Variants in ZFPM2 observed in about 807,000 individuals in gnomAD.
ZFPM2 encodes zinc finger protein ZFPM2.
ZFPM2 carries 20 observed loss-of-function variants against 98.6 expected under a neutral mutation model. The observed-to-expected ratio is 0.20, with a 90% CI of 0.14 to 0.29. The LOEUF (loss-of-function observed/expected upper bound fraction) is 0.29, where lower values mean the gene tolerates loss of function less well. ZFPM2 is among the 10% of genes least tolerant of loss of function. The pLI, the probability that ZFPM2 is intolerant of heterozygous loss-of-function variation, is 1.00. For missense variants in ZFPM2, 1,310 were observed against 1,388.6 expected (o/e 0.94, Z 0.90); for synonymous variants, 518 against 502.7 (o/e 1.03, Z -0.41).
intron 5 of ZFPM2, among the ~76,000 whole-genome samples, chr8:105,639,491 A>T (rs1034428017): frequency 6.6e-6 from 1 of 152,052 alleles, no homozygotes; most frequent in African/African-American, 2.4e-5. Context: ...TCAACAACAT[A>T]ATATTTCTTT....
At position 105,801,938 on chromosome 8, in the gene ZFPM2, C is replaced by T; in HGVS notation, c.1856C>T (p.Pro619Leu). The T allele has an allele frequency of 6.2e-7, 1 of 1,613,890 alleles. No homozygotes were observed. Among genetic ancestry groups the T allele is most frequent in the Non-Finnish European group, 8.5e-7 (1 of 1,179,862 alleles). ...PAAHSADPEN[P>L]LLQTSCINSS... is the part of the protein sequence containing the mutation. Reference sequence around the variant, plus strand: ...GCTCATTCTGCTGATCCTGAGAATCCACTTCTTCAAACATCTTGCATCAAT... The same window carrying T: ...GCTCATTCTGCTGATCCTGAGAATCTACTTCTTCAAACATCTTGCATCAAT... The change falls in exon 8 of 8, where the codon CCA becomes CTA. Residue 619 changes from proline to leucine, a missense_variant. Coordinates refer to ENST00000407775, the MANE Select transcript of ZFPM2 (RefSeq NM_012082.4).
chr8:105,754,635 A>G (rs1034126530), intron 5 of ZFPM2, among the ~76,000 whole-genome samples: 1 of 152,116 alleles, frequency 6.6e-6, no homozygotes, highest in Non-Finnish European at 1.5e-5. Context: ...TAATTTCTCA[A>G]AAAGAATATA....
intron 5 of ZFPM2, among the ~76,000 whole-genome samples, chr8:105,700,760 T>A (rs1811123058): frequency 6.6e-6 from 1 of 152,056 alleles, no homozygotes; most frequent in Admixed American, 6.6e-5. Flanking sequence ...CACGCCTGGC[T>A]AATTTTTGTA....
chr8:105,378,110 T>C (rs1810766942), intron 1 of ZFPM2, among the ~76,000 whole-genome samples: 1 of 152,178 alleles, frequency 6.6e-6, no homozygotes, highest in Admixed American at 6.5e-5. Flanking sequence ...AACTGGGATA[T>C]TGGATGATAT....
intron 5 of ZFPM2, among the ~76,000 whole-genome samples, chr8:105,719,117 T>G (rs145555170): frequency 1.4e-3 from 217 of 152,044 alleles, no homozygotes; most frequent in African/African-American, 5.0e-3. Flanking sequence ...GAGGTATACC[T>G]TTTTCATTGT....
chr8:105,625,982 AAG>A (rs1554622641), intron 4 of ZFPM2, among the ~76,000 whole-genome samples: 1 of 151,764 alleles, frequency 6.6e-6, no homozygotes, highest in Admixed American at 6.6e-5. Context: ...AAAAAAAAAA[AAG>A]AGAAAGAAAG....
At chr8:105,694,068 G>A (rs1205880565) in intron 5 of ZFPM2, among the ~76,000 whole-genome samples, 1 of 142,614 alleles carries the variant, frequency 7.0e-6, no homozygotes, top group African/African-American at 2.7e-5. Context: ...CTCACTGCAA[G>A]CTCTGCCTCT....
chr8:105,544,408 G>A lies in ZFPM2; in HGVS notation c.302-16955G>A, dbSNP rs567505512. Among the ~76,000 whole-genome samples the A allele has an allele frequency of 3.3e-5, 5 of 152,188 alleles. No homozygotes were observed. The South Asian group carries it at 8.3e-4, about 25-fold the overall frequency. On this transcript the variant is annotated intron_variant, in intron 3 of 7. Coordinates refer to ENST00000407775, the MANE Select transcript of ZFPM2 (RefSeq NM_012082.4). ...TTTTTCTTCCCTTGTAATTGATTAT[G>A]TGTTTGTAAATTAATTTCTCTTAAG...
intron 1 of ZFPM2, among the ~76,000 whole-genome samples, chr8:105,338,670 G>A (rs1041493932): frequency 6.6e-6 from 1 of 151,830 alleles, no homozygotes; most frequent in African/African-American, 2.4e-5. Context: ...TGTGCCATCA[G>A]TACAGATGTG....
At chr8:105,713,967 C>T (rs1027599102) in intron 5 of ZFPM2, among the ~76,000 whole-genome samples, 3 of 151,656 alleles carry the variant, frequency 2.0e-5, no homozygotes, top group African/African-American at 4.8e-5. Flanking sequence ...TATGAACTTT[C>T]GAATAGTTTT....
chr8:105,772,812 A>T (rs1813009891), intron 5 of ZFPM2, among the ~76,000 whole-genome samples: 1 of 152,188 alleles, frequency 6.6e-6, no homozygotes, highest in Non-Finnish European at 1.5e-5. Context: ...TTTCACCAGA[A>T]AATTTAGCCC....
At chr8:105,341,209 C>T (rs547631824) in intron 1 of ZFPM2, among the ~76,000 whole-genome samples, 26 of 151,946 alleles carry the variant, frequency 1.7e-4, no homozygotes, top group Non-Finnish European at 1.6e-4. Context: ...TGCACAAATC[C>T]GTCCAAAATA....
intron 5 of ZFPM2, among the ~76,000 whole-genome samples, chr8:105,771,455 A>G (rs1375266188): frequency 6.6e-6 from 1 of 152,144 alleles, no homozygotes; most frequent in Non-Finnish European, 1.5e-5. Context: ...TGAAGACAAT[A>G]TATCTTTGTT....
At chr8:105,519,397 G>T (rs972963294) in intron 3 of ZFPM2, among the ~76,000 whole-genome samples, 1 of 151,934 alleles carries the variant, frequency 6.6e-6, no homozygotes, top group Non-Finnish European at 1.5e-5. Context: ...TTGAGTTAAA[G>T]ATATAATTTT....
chr8:105,327,092 A>T (rs1027023149), intron 1 of ZFPM2, among the ~76,000 whole-genome samples: 3 of 151,458 alleles, frequency 2.0e-5, no homozygotes, highest in Non-Finnish European at 4.4e-5. Context: ...GATGATATGA[A>T]TTATTCTAAT....
intron 1 of ZFPM2, among the ~76,000 whole-genome samples, chr8:105,389,356 C>T (rs952544075): frequency 6.6e-6 from 1 of 152,086 alleles, no homozygotes; most frequent in Non-Finnish European, 1.5e-5. Context: ...TTCATGGAAG[C>T]ACTCATATAA....
At chr8:105,542,762 G>A (rs1238300228) in intron 3 of ZFPM2, among the ~76,000 whole-genome samples, 8 of 152,250 alleles carry the variant, frequency 5.3e-5, no homozygotes, top group Non-Finnish European at 1.2e-4. Flanking sequence ...AATAGTCCAA[G>A]GAGATTCCTT....
intron 1 of ZFPM2, among the ~76,000 whole-genome samples, chr8:105,373,581 C>T (rs1444508796): frequency 7.9e-5 from 12 of 151,856 alleles, no homozygotes; most frequent in Non-Finnish European, 1.2e-4. Flanking sequence ...AAACACAGTG[C>T]CTTAAAAATA....
At position 105,617,020 on chromosome 8, in the gene ZFPM2, G is replaced by GAAAAAAAAAA. The variant is rs773023421; in HGVS notation, c.421-17195_421-17186dup. Among the ~76,000 whole-genome samples the GAAAAAAAAAA allele has an allele frequency of 5.7e-4, 16 of 28,136 alleles. 4 individuals carry two copies. The highest frequency in any genetic ancestry group is 3.8e-3 in the East Asian group (2 of 520). The allele number at this position is 28,136 out of a possible 152,430, so 18.5% of individuals were successfully genotyped here. On this transcript the variant is annotated intron_variant, in intron 4 of 7. Transcript: ENST00000407775. ...GGACTACTGAGCAAGACTCTGTCTC[G>GAAAAAAAAAA]AAAAAAAAAAAAAAAAAAAAAAAAA...
Sources: gnomAD v4.1 joint callset for allele counts (sites outside exome capture counted in the v4.1 genomes callset) on GRCh38, gnomAD v4.1.1 for gene constraint, MANE v1.5 for transcripts, NCBI Gene and HGNC (gene_info 2026-07-23, HGNC 2026-07-21) for gene names.